SHANK2: variants seen among roughly 807,000 people sequenced by gnomAD.
SHANK2 encodes SH3 and multiple ankyrin repeat domains 2.
In SHANK2, 43 loss-of-function variants were observed where a neutral mutation model predicts 133.7. That is an observed-to-expected ratio of 0.32 (90% CI 0.25 to 0.41). The LOEUF (loss-of-function observed/expected upper bound fraction) is 0.41. Among genes scored for constraint, SHANK2 ranks in the 10% least tolerant of loss-of-function variants. The pLI, the probability that SHANK2 is intolerant of heterozygous loss-of-function variation, is 1.00. For missense variants in SHANK2, 1,994 were observed against 2,235.8 expected (o/e 0.89, Z 2.18); for synonymous variants, 1,017 against 952.8 (o/e 1.07, Z -1.24).
intron 10 of SHANK2, among the ~76,000 whole-genome samples, chr11:70,942,015 C>T (rs1950655140): frequency 6.6e-6 from 1 of 152,046 alleles, no homozygotes; most frequent in South Asian, 2.1e-4. Context: ...TAGTGAAACC[C>T]CATCTCTACT....
At position 70,535,947 on chromosome 11, in the gene SHANK2, C is replaced by T. The variant is rs186195910; in HGVS notation, c.2062-33016G>A. 8.5e-5 allele frequency among the ~76,000 whole-genome samples: 13 copies of T among 152,356 alleles called. No individual in the cohort carries two copies. In the East Asian group the frequency reaches 1.2e-3, roughly 14 times the overall value. ...GCCCAGAATGGACATGTGGCTCACC[C>T]GAGGCTGGTTGACTGAGGGGGCTGC... On this transcript the variant is annotated intron_variant, in intron 17 of 25. Transcript: ENST00000601538. The surrounding 1 kb of genome is among the most constrained non-coding windows in gnomAD (Gnocchi z 4.3).
At chr11:70,850,444 G>A (rs530553380) in intron 11 of SHANK2, among the ~76,000 whole-genome samples, 1 of 152,272 alleles carries the variant, frequency 6.6e-6, no homozygotes, top group East Asian at 1.9e-4. Flanking sequence ...GGCCAGGGTG[G>A]TGTGGTTTAC....
chr11:71,059,134 T>C (rs1413688318), intron 9 of SHANK2, among the ~76,000 whole-genome samples: 3 of 152,204 alleles, frequency 2.0e-5, no homozygotes, highest in Admixed American at 6.5e-5. Flanking sequence ...GGAGAATCAC[T>C]TGAACCTGGG....
intron 10 of SHANK2, among the ~76,000 whole-genome samples, chr11:70,947,589 C>T (rs1011553157): frequency 6.6e-6 from 1 of 152,240 alleles, no homozygotes; most frequent in Middle Eastern, 3.4e-3. Flanking sequence ...TGGTCTTGAC[C>T]TCCTGACCTC....
Position 70,813,839 on chromosome 11 carries a change from G to A in SHANK2, c.1493+6525C>T, listed in dbSNP as rs782290185. Among the ~76,000 whole-genome samples the A allele has an allele frequency of 3.3e-5, 5 of 152,280 alleles. No homozygotes were observed. In the South Asian group the frequency reaches 6.2e-4, roughly 19 times the overall value. On this transcript the variant is annotated intron_variant, in intron 12 of 25. Transcript: ENST00000601538. ...GTCAGCCCGCACCCAAGCCCTGTGC[G>A]TCTCGGGCCTGAGGGCTTCACGCTG...
intron 17 of SHANK2, among the ~76,000 whole-genome samples, chr11:70,538,239 C>T (rs1169868602): frequency 9.2e-5 from 14 of 152,224 alleles, no homozygotes; most frequent in East Asian, 3.9e-4. Context: ...GCAGCCCACA[C>T]GGAGTCCCCG....
At chr11:70,544,570 G>A (rs1554975859) in intron 17 of SHANK2, among the ~76,000 whole-genome samples, 2 of 152,186 alleles carry the variant, frequency 1.3e-5, no homozygotes, top group African/African-American at 4.8e-5. Context: ...AGGGTCAGGA[G>A]GGGCCACCCC....
At chr11:70,616,881 C>T (rs1183560265) in intron 17 of SHANK2, among the ~76,000 whole-genome samples, 2 of 152,174 alleles carry the variant, frequency 1.3e-5, no homozygotes, top group Non-Finnish European at 2.9e-5. Context: ...ACAAATGCCC[C>T]GCAAAGGGCC....
At chr11:71,207,740 C>A (rs1591020821) in intron 2 of SHANK2, among the ~76,000 whole-genome samples, 1 of 152,184 alleles carries the variant, frequency 6.6e-6, no homozygotes, top group East Asian at 1.9e-4. Context: ...TCTCTCTCAG[C>A]CAGGTCTTCC....
At chr11:70,664,449 GCTGCTGAGGGTGAC>G in intron 15 of SHANK2, among the ~76,000 whole-genome samples, 1 of 152,342 alleles carries the variant, frequency 6.6e-6, no homozygotes, top group East Asian at 1.9e-4. Context: ...TGCAAGAGGA[GCTGCTGAGGGTGAC>G]CGCCTCCCTG....
intron 11 of SHANK2, among the ~76,000 whole-genome samples, chr11:70,840,234 C>T (rs1948882275): frequency 6.6e-6 from 1 of 152,180 alleles, no homozygotes; most frequent in East Asian, 1.9e-4. Context: ...GACTCCTGGA[C>T]AGGGAGGTAG....
intron 11 of SHANK2, among the ~76,000 whole-genome samples, chr11:70,890,714 G>C (rs562018930): frequency 5.3e-5 from 8 of 150,902 alleles, no homozygotes; most frequent in Non-Finnish European, 1.0e-4. Context: ...CAGGAGAATC[G>C]CTTGAACCCA....
Position 70,714,420 on chromosome 11 carries a change from G to A in SHANK2, c.1778-15657C>T, listed in dbSNP as rs1945865837. 2.6e-5 allele frequency among the ~76,000 whole-genome samples: 4 copies of A among 152,290 alleles called. No individual in the cohort carries two copies. In the South Asian group the frequency reaches 8.3e-4, roughly 32 times the overall value. ...GGTCCTAACTGCAAGGCCTTATCTT[G>A]TTTAGCCACAAAGAGCCCCATGAGA... is the stretch of plus-strand genomic sequence containing the variant. On this transcript the variant is annotated intron_variant, in intron 14 of 25. Transcript: ENST00000601538.
intron 17 of SHANK2, among the ~76,000 whole-genome samples, chr11:70,574,174 G>A (rs2060086510): frequency 6.6e-6 from 1 of 152,230 alleles, no homozygotes; most frequent in Non-Finnish European, 1.5e-5. Context: ...ATCTCTCTTA[G>A]ACCCTGCCTC....
At chr11:70,826,946 A>G (rs1948651224) in intron 11 of SHANK2, among the ~76,000 whole-genome samples, 1 of 152,256 alleles carries the variant, frequency 6.6e-6, no homozygotes, top group Non-Finnish European at 1.5e-5. Context: ...TGGGCGCTCC[A>G]TGCGCCTGTG....
intron 17 of SHANK2, among the ~76,000 whole-genome samples, chr11:70,648,936 A>T (rs952927048): frequency 6.6e-6 from 1 of 152,110 alleles, no homozygotes; most frequent in Non-Finnish European, 1.5e-5. Flanking sequence ...GCAGAGGGTT[A>T]TGAGCGGGCA....
At chr11:70,712,433 G>A (rs2134593764) in intron 14 of SHANK2, among the ~76,000 whole-genome samples, 1 of 152,312 alleles carries the variant, frequency 6.6e-6, no homozygotes, top group East Asian at 1.9e-4. Context: ...TAACCACAAA[G>A]AGACCATCCC....
chr11:70,928,905 TC>T (rs1458501492), intron 10 of SHANK2, among the ~76,000 whole-genome samples: 1 of 151,800 alleles, frequency 6.6e-6, no homozygotes, highest in Non-Finnish European at 1.5e-5. Context: ...TGAAAGTGAC[TC>T]CCCATCTCTC....
chr11:71,209,133 A>G (rs1165903580), intron 2 of SHANK2, among the ~76,000 whole-genome samples: 1 of 152,158 alleles, frequency 6.6e-6, no homozygotes, highest in Non-Finnish European at 1.5e-5. Context: ...TCATTTCACC[A>G]CAGATGGAAG....
Sources: gnomAD v4.1 joint callset for allele counts (sites outside exome capture counted in the v4.1 genomes callset) on GRCh38, gnomAD v4.1.1 for gene constraint, Gnocchi (gnomAD v3.1) non-coding constraint, MANE v1.5 for transcripts, NCBI Gene and HGNC (gene_info 2026-07-23, HGNC 2026-07-21) for gene names.